TMEM132D: variants seen among roughly 807,000 people sequenced by gnomAD.
The protein encoded by TMEM132D is mature OL transmembrane protein.
A neutral mutation model predicts 62.3 loss-of-function variants in TMEM132D; 21 were observed. That is an observed-to-expected ratio of 0.34 (90% CI 0.24 to 0.49). TMEM132D has a LOEUF of 0.49. TMEM132D is among the 20% of genes least tolerant of loss of function. The pLI is 0.99. For missense variants in TMEM132D, 1,346 were observed against 1,402.8 expected (o/e 0.96, Z 0.65); for synonymous variants, 621 against 575.6 (o/e 1.08, Z -1.13).
At chr12:129,397,725 A>G (rs951248377) in intron 3 of TMEM132D, among the ~76,000 whole-genome samples, 1 of 152,200 alleles carries the variant, frequency 6.6e-6, no homozygotes, top group African/African-American at 2.4e-5. Context: ...TTTATCTGTC[A>G]AAGCTTTTCT....
intron 5 of TMEM132D, among the ~76,000 whole-genome samples, chr12:129,183,903 T>C (rs193143054): frequency 6.6e-6 from 1 of 152,258 alleles, no homozygotes; most frequent in Non-Finnish European, 1.5e-5. Context: ...GTCCCCATGC[T>C]GTCAGTTCAA....
intron 1 of TMEM132D, among the ~76,000 whole-genome samples, chr12:129,742,218 T>G (rs952377284): frequency 6.6e-6 from 1 of 152,190 alleles, no homozygotes. Context: ...TAGCTGAGAC[T>G]GAGTAATTTA....
intron 5 of TMEM132D, among the ~76,000 whole-genome samples, chr12:129,137,939 G>A (rs1399732569): frequency 3.3e-5 from 5 of 151,848 alleles, no homozygotes. Context: ...TGGGAAGTAT[G>A]TTATTTTCAT....
chr12:129,497,926 G>T (rs1875009430), intron 3 of TMEM132D, among the ~76,000 whole-genome samples: 1 of 151,842 alleles, frequency 6.6e-6, no homozygotes. Context: ...TTCCGAAAGG[G>T]CTAAGATTAG....
intron 1 of TMEM132D, among the ~76,000 whole-genome samples, chr12:129,709,608 T>A (rs966934024): frequency 6.6e-6 from 1 of 152,170 alleles, no homozygotes; most frequent in African/African-American, 2.4e-5. Context: ...GCCTCCTTCC[T>A]CCTGACGTCT....
chr12:129,505,696 G>C (rs1177122426), intron 3 of TMEM132D, among the ~76,000 whole-genome samples: 1 of 152,092 alleles, frequency 6.6e-6, no homozygotes, highest in East Asian at 1.9e-4. Flanking sequence ...TATAAATTTG[G>C]GAACTCCAGT....
At chr12:129,684,404 C>A (rs1023659787) in intron 2 of TMEM132D, among the ~76,000 whole-genome samples, 4 of 152,162 alleles carry the variant, frequency 2.6e-5, no homozygotes, top group Non-Finnish European at 5.9e-5. Flanking sequence ...CTTCCCCTTC[C>A]ACCATAATTA....
rs534747853 is a variant in TMEM132D at position 129,608,345 on chromosome 12, C to T, written c.969-77140G>A. ...TCCCTTTAGAAGCCCAACCTAATTTCAGTCTGGACTAGGACTTGTTGCTGT... is the reference window on the plus strand; with the variant it reads ...TCCCTTTAGAAGCCCAACCTAATTTTAGTCTGGACTAGGACTTGTTGCTGT... On this transcript the variant is annotated intron_variant, in intron 2 of 8. Transcript: ENST00000422113. Among the ~76,000 whole-genome samples, 7 of 152,276 alleles carry T rather than the reference C, an allele frequency of 4.6e-5. No homozygotes were observed. The South Asian group carries it at 1.5e-3, about 32-fold the overall frequency.
intron 5 of TMEM132D, among the ~76,000 whole-genome samples, chr12:129,207,147 A>G (rs776248498): frequency 6.6e-6 from 1 of 151,726 alleles, no homozygotes; most frequent in African/African-American, 2.4e-5. Context: ...CAAACAAAAA[A>G]CCCCCCACTA....
intron 5 of TMEM132D, among the ~76,000 whole-genome samples, chr12:129,121,420 A>G (rs944697158): frequency 6.6e-6 from 1 of 152,192 alleles, no homozygotes; most frequent in African/African-American, 2.4e-5. Context: ...ATTTTAAAAT[A>G]GGGAGATTAG....
At chr12:129,718,337 G>A (rs1247599919) in intron 1 of TMEM132D, among the ~76,000 whole-genome samples, 1 of 152,208 alleles carries the variant, frequency 6.6e-6, no homozygotes, top group Non-Finnish European at 1.5e-5. Context: ...CCACTGCAGG[G>A]TCCAGGGAGG....
At chr12:129,163,376 C>T (rs1346762379) in intron 5 of TMEM132D, among the ~76,000 whole-genome samples, 1 of 152,168 alleles carries the variant, frequency 6.6e-6, no homozygotes, top group African/African-American at 2.4e-5. Flanking sequence ...TCTTCTGCCT[C>T]TGCAGATTCA....
chr12:129,318,053 AT>A (rs1868544213), intron 4 of TMEM132D, among the ~76,000 whole-genome samples: 2 of 151,586 alleles, frequency 1.3e-5, no homozygotes, highest in Non-Finnish European at 2.9e-5. Flanking sequence ...TTCTTGTATC[AT>A]TGTTTGGATT....
intron 5 of TMEM132D, among the ~76,000 whole-genome samples, chr12:129,188,509 C>A (rs1444319949): frequency 1.3e-5 from 2 of 152,138 alleles, no homozygotes; most frequent in African/African-American, 4.8e-5. Flanking sequence ...TACACATGGG[C>A]AATATGGCAT....
At chr12:129,384,053 A>G (rs532066403) in intron 3 of TMEM132D, among the ~76,000 whole-genome samples, 7 of 152,356 alleles carry the variant, frequency 4.6e-5, no homozygotes, top group South Asian at 2.1e-4. Context: ...CCGAAAATAC[A>G]TAACACATCG....
chr12:129,169,428 C>T (rs753297031), intron 5 of TMEM132D, among the ~76,000 whole-genome samples: 64 of 152,314 alleles, frequency 4.2e-4, no homozygotes, highest in Non-Finnish European at 7.8e-4. Flanking sequence ...AAAGGAATTC[C>T]TGGGAAGCCA....
At chr12:129,730,247 T>C (rs1338701982) in intron 1 of TMEM132D, among the ~76,000 whole-genome samples, 3 of 152,216 alleles carry the variant, frequency 2.0e-5, no homozygotes, top group African/African-American at 7.2e-5. Flanking sequence ...GGCAATGAAT[T>C]GTTCACAGTT....
At chr12:129,901,077 A>G (rs1241812402) in intron 1 of TMEM132D, among the ~76,000 whole-genome samples, 1 of 152,198 alleles carries the variant, frequency 6.6e-6, no homozygotes, top group Non-Finnish European at 1.5e-5. Context: ...ACAATACAGT[A>G]GAAATGATAA....
chr12:129,656,925 C>A (rs1201165953), intron 2 of TMEM132D, among the ~76,000 whole-genome samples: 1 of 152,168 alleles, frequency 6.6e-6, no homozygotes, highest in Non-Finnish European at 1.5e-5. Flanking sequence ...CTAACCACCA[C>A]AATACACTAT....
Sources: gnomAD v4.1 joint callset for allele counts (sites outside exome capture counted in the v4.1 genomes callset) on GRCh38, gnomAD v4.1.1 for gene constraint, MANE v1.5 for transcripts, NCBI Gene and HGNC (gene_info 2026-07-23, HGNC 2026-07-21) for gene names.